Variants in FAM222B observed in about 807,000 individuals in gnomAD.
FAM222B encodes the protein protein FAM222B.
FAM222B carries 12 observed loss-of-function variants against 38.0 expected under a neutral mutation model. The ratio of observed to expected loss-of-function variants is 0.32; its 90% CI spans 0.20 to 0.51. The LOEUF is 0.51. Among genes scored for constraint, FAM222B ranks in the 20% least tolerant of loss-of-function variants. FAM222B has a pLI of 0.97. For missense variants in FAM222B, 716 were observed against 754.2 expected (o/e 0.95, Z 0.59); for synonymous variants, 329 against 317.2 (o/e 1.04, Z -0.40).
chr17:28,783,598 C>T (rs937306485), intron 1 of FAM222B, among the ~76,000 whole-genome samples: 6 of 151,752 alleles, frequency 4.0e-5, no homozygotes, highest in South Asian at 2.1e-4. Context: ...CTGCAACCTC[C>T]GCTTCCCAGG....
intron 1 of FAM222B, among the ~76,000 whole-genome samples, chr17:28,800,398 G>A (rs1195997581): frequency 6.6e-6 from 1 of 152,064 alleles, no homozygotes; most frequent in Non-Finnish European, 1.5e-5. Context: ...GAGGTGGAGG[G>A]AGTTGGTATA....
chr17:28,803,060 G>C (rs894973661), intron 1 of FAM222B, among the ~76,000 whole-genome samples: 1 of 151,848 alleles, frequency 6.6e-6, no homozygotes, highest in South Asian at 2.1e-4. Context: ...CTAGGCTGGA[G>C]TACAGTGGTG....
At chr17:28,762,987 G>C (rs2035157409) in intron 2 of FAM222B, among the ~76,000 whole-genome samples, 1 of 151,154 alleles carries the variant, frequency 6.6e-6, no homozygotes, top group African/African-American at 2.4e-5. Context: ...CCCCACACAG[G>C]CACCCTGACT....
At chr17:28,844,388 A>ACG (rs2039125607), upstream of FAM222B, among the ~76,000 whole-genome samples, 1 of 152,134 alleles carries the variant, frequency 6.6e-6, no homozygotes, top group Non-Finnish European at 1.5e-5. Flanking sequence ...GGCCAGGTGC[A>ACG]GTGGCTCACG....
intron 1 of FAM222B, among the ~76,000 whole-genome samples, chr17:28,799,316 G>C (rs1394441299): frequency 1.9e-5 from 1 of 54,022 alleles, no homozygotes; most frequent in Non-Finnish European, 3.7e-5. Flanking sequence ...TTTTTTTTTT[G>C]AGACCGAGTC....
chr17:28,780,056 T>C (rs2036098873), intron 1 of FAM222B, among the ~76,000 whole-genome samples: 1 of 151,776 alleles, frequency 6.6e-6, no homozygotes, highest in Non-Finnish European at 1.5e-5. Flanking sequence ...CTGCAACCTC[T>C]GCCTCCCGGG....
intron 1 of FAM222B, among the ~76,000 whole-genome samples, chr17:28,798,239 G>A (rs958065312): frequency 6.6e-6 from 1 of 151,928 alleles, no homozygotes. Flanking sequence ...ACAATTAGCC[G>A]GGTGTGATGG....
At chr17:28,847,637 G>T (rs1271098526), upstream of FAM222B, among the ~76,000 whole-genome samples, 1 of 151,608 alleles carries the variant, frequency 6.6e-6, no homozygotes, top group Non-Finnish European at 1.5e-5. Context: ...AAACAAGGCC[G>T]GGCGCGGTGG....
intron 1 of FAM222B, among the ~76,000 whole-genome samples, chr17:28,854,345 A>G (rs932356131): frequency 5.9e-5 from 9 of 152,220 alleles, no homozygotes; most frequent in African/African-American, 2.2e-4. Flanking sequence ...AGAGCGGTCT[A>G]GGAGACCTTA....
chr17:28,832,645 A>G (rs2038705586), intron 1 of FAM222B, among the ~76,000 whole-genome samples: 1 of 152,160 alleles, frequency 6.6e-6, no homozygotes, highest in Non-Finnish European at 1.5e-5. Flanking sequence ...TTAACTCTAT[A>G]ATTGAGAGTT....
At chr17:28,819,442 G>A (rs1378778784) in intron 1 of FAM222B, among the ~76,000 whole-genome samples, 4 of 152,148 alleles carry the variant, frequency 2.6e-5, no homozygotes, top group African/African-American at 9.7e-5. Flanking sequence ...GTGGTGGAAA[G>A]TGCCTTCTCC....
intron 1 of FAM222B, among the ~76,000 whole-genome samples, chr17:28,820,765 C>A (rs1282936832): frequency 6.6e-6 from 1 of 151,804 alleles, no homozygotes. Context: ...TCCCGAGTAG[C>A]GGGAATTACA....
At chr17:28,822,530 G>A (rs1262111662) in intron 1 of FAM222B, among the ~76,000 whole-genome samples, 2 of 150,906 alleles carry the variant, frequency 1.3e-5, no homozygotes, top group Admixed American at 6.6e-5. Context: ...GGAGACTGAA[G>A]TAGGAGAATC....
At chr17:28,761,452 CAGG>C (rs893831164) in intron 2 of FAM222B, among the ~76,000 whole-genome samples, 2 of 152,234 alleles carry the variant, frequency 1.3e-5, no homozygotes, top group South Asian at 2.1e-4. Context: ...TTGCAAAAGG[CAGG>C]AGGATAGGCC....
chr17:28,756,462 C>T lies in FAM222B; in HGVS notation c.*1808G>A, dbSNP rs961676165. On this transcript the variant is annotated 3_prime_UTR_variant, in exon 3 of 3. Coordinates refer to ENST00000581407, the MANE Select transcript of FAM222B (RefSeq NM_001077498.3). ...TATTGGGGAGGAAAAAAAAATACAG[C>T]AAGAATATCTGCTTTGGAGATCAAG... 6.6e-6 allele frequency: 1 copy of T among 152,464 alleles called. No homozygotes were observed. The highest frequency in any genetic ancestry group is 2.4e-5 in the African/African-American group (1 of 41,414). The allele number at this position is 152,464 out of a possible 1,614,324, so 9.4% of individuals were successfully genotyped here.
At chr17:28,792,173 G>T (rs1382426103) in intron 1 of FAM222B, among the ~76,000 whole-genome samples, 1 of 151,596 alleles carries the variant, frequency 6.6e-6, no homozygotes, top group Non-Finnish European at 1.5e-5. Context: ...TTAGCTGGGC[G>T]TGATGGCAGG....
At chr17:28,835,024 T>TTGTGTGTTTGTG (rs2038793292) in intron 1 of FAM222B, among the ~76,000 whole-genome samples, 1 of 132,010 alleles carries the variant, frequency 7.6e-6, no homozygotes, top group African/African-American at 2.9e-5. Context: ...TCAGCTAATT[T>TTGTGTGTTTGTG]TGTGTGTGTG....
At chr17:28,787,452 T>C (rs542432354) in intron 1 of FAM222B, among the ~76,000 whole-genome samples, 3 of 152,312 alleles carry the variant, frequency 2.0e-5, no homozygotes, top group African/African-American at 4.8e-5. Context: ...AGCACTTACA[T>C]TGCTTGTCAC....
chr17:28,819,680 T>C (rs573434582), intron 1 of FAM222B, among the ~76,000 whole-genome samples: 2 of 152,258 alleles, frequency 1.3e-5, no homozygotes, highest in Admixed American at 6.5e-5. Flanking sequence ...AAAATATGAA[T>C]ATAAAATGAA....
Sources: allele counts gnomAD v4.1 joint callset (sites outside exome capture counted in the v4.1 genomes callset), GRCh38; gene constraint gnomAD v4.1.1; transcripts MANE v1.5; gene names NCBI Gene and HGNC (gene_info 2026-07-23, HGNC 2026-07-21).